Variants in CPNE4 observed in about 807,000 individuals in gnomAD.
The protein encoded by CPNE4 is copine-4.
Under a neutral mutation model 67.9 loss-of-function variants are expected in CPNE4, and 25 were observed. The ratio of observed to expected loss-of-function variants is 0.37; its 90% confidence interval spans 0.27 to 0.51. CPNE4 has a LOEUF of 0.51. Ranked by LOEUF, CPNE4 falls within the 20% of genes least tolerant of loss-of-function variation. The probability of loss-of-function intolerance (pLI) is 0.93; values close to 1 mark genes in which losing one functional copy is unlikely to be tolerated. For missense variants in CPNE4, 464 were observed against 690.8 expected (o/e 0.67, Z 3.68); for synonymous variants, 242 against 244.9 (o/e 0.99, Z 0.11).
chr3:131,635,675 T>C (rs2079360354), intron 7 of CPNE4, among the ~76,000 whole-genome samples: 1 of 152,204 alleles, frequency 6.6e-6, no homozygotes, highest in Admixed American at 6.5e-5. Flanking sequence ...CAGTATTATC[T>C]GAGACACATC....
At chr3:131,839,235 C>T (rs1417800180) in intron 2 of CPNE4, among the ~76,000 whole-genome samples, 6 of 151,646 alleles carry the variant, frequency 4.0e-5, no homozygotes, top group East Asian at 1.9e-4. Context: ...AAATGGTGAA[C>T]ATTTTGAATA....
chr3:131,923,704 CAAAAAAAAA>C (rs3041574), intron 1 of CPNE4, among the ~76,000 whole-genome samples: 1 of 39,288 alleles, frequency 2.5e-5, no homozygotes, highest in Non-Finnish European at 4.1e-5. Flanking sequence ...GACTCCGTCT[CAAAAAAAAA>C]AAAAAAAAAA....
intron 1 of CPNE4, among the ~76,000 whole-genome samples, chr3:131,982,102 C>T (rs1221866623): frequency 2.0e-5 from 3 of 152,130 alleles, no homozygotes; most frequent in African/African-American, 2.4e-5. Flanking sequence ...CCATTATGAT[C>T]GAACCTCTTC....
chr3:131,626,979 G>A (rs1297892855), intron 7 of CPNE4, among the ~76,000 whole-genome samples: 2 of 152,098 alleles, frequency 1.3e-5, no homozygotes, highest in Non-Finnish European at 2.9e-5. Flanking sequence ...TGGATCACGA[G>A]GTCAGGAGTT....
At chr3:131,550,318 A>T (rs1408890395) in intron 13 of CPNE4, among the ~76,000 whole-genome samples, 2 of 152,100 alleles carry the variant, frequency 1.3e-5, no homozygotes, top group Admixed American at 1.3e-4. Context: ...AATTTTCCCT[A>T]ATATCCTACT....
At chr3:132,011,760 T>C (rs2073768650) in intron 1 of CPNE4, among the ~76,000 whole-genome samples, 2 of 152,230 alleles carry the variant, frequency 1.3e-5, no homozygotes, top group Admixed American at 6.5e-5. Context: ...ACAATTTCAA[T>C]TGGGATTAGA....
In CPNE4 at chr3:131,679,108, C is replaced by T. The variant is rs373717557; in HGVS notation, c.591+6767G>A. ...TTATTACTGCCTCTATTTCAAAACTCGTTATTGGTCTGTTCAGAGATTCTA... is the reference window on the plus strand; with the variant it reads ...TTATTACTGCCTCTATTTCAAAACTTGTTATTGGTCTGTTCAGAGATTCTA... On this transcript the variant is annotated intron_variant, in intron 6 of 15. Coordinates refer to ENST00000429747, the MANE Select transcript of CPNE4 (RefSeq NM_130808.3). Among the ~76,000 whole-genome samples the T allele has an allele frequency of 1.6e-4, 25 of 152,058 alleles. No homozygotes were observed. In the East Asian group the frequency reaches 3.3e-3, roughly 20 times the overall value.
Position 131,930,714 on chromosome 3 carries a change from A to G in CPNE4, c.-1-25270T>C, listed in dbSNP as rs139077497. Among the ~76,000 whole-genome samples, 16 of 152,218 alleles carry G rather than the reference A, an allele frequency of 1.1e-4. No individual in the cohort carries two copies. In the East Asian group the frequency reaches 3.1e-3, roughly 29 times the overall value. On this transcript the variant is annotated intron_variant, in intron 1 of 15. Transcript: ENST00000429747. The stretch of plus-strand genomic sequence containing the variant: ...TTTCAGTTGGAACAGACTCAGTTGA[A>G]AAGTTCCCAATTATATGTGGTTCTC...
chr3:131,887,553 G>T (rs1583406450), intron 2 of CPNE4, among the ~76,000 whole-genome samples: 1 of 152,290 alleles, frequency 6.6e-6, no homozygotes, highest in African/African-American at 2.4e-5. Flanking sequence ...GGGCTATGAA[G>T]ATACTAGCTG....
Position 131,829,026 on chromosome 3 carries a change from C to T in CPNE4, c.180+76238G>A, listed in dbSNP as rs1392956881. ...CACATAGCAGGGGAGGCCGCACAATCGTGATGGAAGGTGAGGAGGAGCAAG... is the reference window on the plus strand; with the variant it reads ...CACATAGCAGGGGAGGCCGCACAATTGTGATGGAAGGTGAGGAGGAGCAAG... On this transcript the variant is annotated intron_variant, in intron 2 of 15. Coordinates refer to ENST00000429747, the MANE Select transcript of CPNE4 (RefSeq NM_130808.3). 7.2e-5 allele frequency among the ~76,000 whole-genome samples: 11 copies of T among 152,178 alleles called. No individual in the cohort carries two copies. The East Asian group carries it at 2.1e-3, about 29-fold the overall frequency.
At position 131,960,467 on chromosome 3, in the gene CPNE4, G is replaced by A. The variant is rs571392476; in HGVS notation, c.-1-55023C>T. Reference sequence around the variant, plus strand: ...TGAAAGCAAGCTTGCAACGCATTCAGCATTAGTCATGAGGTCAGCTTGCTC... The same window carrying A: ...TGAAAGCAAGCTTGCAACGCATTCAACATTAGTCATGAGGTCAGCTTGCTC... On this transcript the variant is annotated intron_variant, in intron 1 of 15. Coordinates refer to ENST00000429747, the MANE Select transcript of CPNE4 (RefSeq NM_130808.3). Among the ~76,000 whole-genome samples the A allele has an allele frequency of 7.9e-5, 12 of 152,254 alleles. No homozygotes were observed. In the South Asian group the frequency reaches 1.9e-3, roughly 24 times the overall value.
chr3:131,598,845 C>CT (rs1559961532), intron 7 of CPNE4, among the ~76,000 whole-genome samples: 3 of 126,856 alleles, frequency 2.4e-5, no homozygotes, highest in African/African-American at 1.2e-4. Context: ...AAAATTGTCC[C>CT]CCCACCCCCC....
chr3:131,955,033 C>T (rs1312628784), intron 1 of CPNE4, among the ~76,000 whole-genome samples: 1 of 149,736 alleles, frequency 6.7e-6, no homozygotes, highest in Admixed American at 6.6e-5. Context: ...AGCACATAAC[C>T]ACCAGCTAGA....
At chr3:131,939,031 T>C (rs1373895839) in intron 1 of CPNE4, among the ~76,000 whole-genome samples, 1 of 152,160 alleles carries the variant, frequency 6.6e-6, no homozygotes, top group Non-Finnish European at 1.5e-5. Flanking sequence ...GCACCACTAA[T>C]GGAAATGCAA....
At chr3:131,804,616 A>T (rs1310585511) in intron 2 of CPNE4, among the ~76,000 whole-genome samples, 1 of 152,164 alleles carries the variant, frequency 6.6e-6, no homozygotes, top group Non-Finnish European at 1.5e-5. Flanking sequence ...CTGAAAAGGT[A>T]TCGTGTATTT....
intron 1 of CPNE4, among the ~76,000 whole-genome samples, chr3:132,012,140 T>C (rs1184764338): frequency 6.6e-6 from 1 of 151,756 alleles, no homozygotes; most frequent in African/African-American, 2.4e-5. Context: ...GTCTATACCC[T>C]TGTATTCCAG....
rs148263565 is a variant in CPNE4, at chr3:131,969,533, A to G, written c.-1-64089T>C. Reference sequence around the variant, plus strand: ...ATTTGTCTCTTAATTTTTAGCATATAATAAACTCTCAAGGACACTTGAGGC... The same window carrying G: ...ATTTGTCTCTTAATTTTTAGCATATGATAAACTCTCAAGGACACTTGAGGC... On this transcript the variant is annotated intron_variant, in intron 1 of 15. Transcript: ENST00000429747. 6.7e-4 allele frequency among the ~76,000 whole-genome samples: 102 copies of G among 152,248 alleles called. No homozygotes were observed. In the East Asian group the frequency reaches 0.012, roughly 18 times the overall value.
intron 1 of CPNE4, among the ~76,000 whole-genome samples, chr3:132,018,943 G>A (rs566412848): frequency 1.5e-4 from 23 of 152,244 alleles, no homozygotes; most frequent in African/African-American, 3.4e-4. Flanking sequence ...AAATTAGGGC[G>A]ATGCACTTGA....
At chr3:131,556,827 T>A (rs762206211) in intron 11 of CPNE4, among the ~76,000 whole-genome samples, 1 of 152,106 alleles carries the variant, frequency 6.6e-6, no homozygotes, top group Non-Finnish European at 1.5e-5. Context: ...TGTACTATAG[T>A]TGACAGGATG....
Sources: allele counts gnomAD v4.1 joint callset (sites outside exome capture counted in the v4.1 genomes callset), GRCh38; gene constraint gnomAD v4.1.1; transcripts MANE v1.5; gene names NCBI Gene and HGNC (gene_info 2026-07-23, HGNC 2026-07-21).